Variants in MAP2K6 observed in about 807,000 individuals in gnomAD.
MAP2K6 encodes mitogen-activated protein kinase kinase 6.
In MAP2K6, 16 loss-of-function variants were observed where a neutral mutation model predicts 53.7. The observed-to-expected ratio is 0.30, with a 90% CI of 0.20 to 0.45. The LOEUF is 0.45. Among genes scored for constraint, MAP2K6 ranks in the 20% least tolerant of loss-of-function variants. The pLI is 1.00. For missense variants in MAP2K6, 204 were observed against 411.9 expected, an observed-to-expected ratio of 0.50 and a Z score of 4.37; for synonymous variants, 132 against 143.1, an observed-to-expected ratio of 0.92 and a Z score of 0.55.
intron 1 of MAP2K6, among the ~76,000 whole-genome samples, chr17:69,480,789 A>T (rs1000833414): frequency 4.6e-5 from 7 of 152,294 alleles, no homozygotes; most frequent in East Asian, 1.9e-4. Flanking sequence ...AAGTTTTTTA[A>T]AAAATTTTAT....
At chr17:69,511,887 G>A (rs1909840972) in intron 2 of MAP2K6, among the ~76,000 whole-genome samples, 1 of 152,228 alleles carries the variant, frequency 6.6e-6, no homozygotes, top group African/African-American at 2.4e-5. Context: ...GCTGAGACAG[G>A]AGAAGCGCTT....
chr17:69,461,518 C>A (rs936606569), intron 1 of MAP2K6, among the ~76,000 whole-genome samples: 1 of 152,150 alleles, frequency 6.6e-6, no homozygotes, highest in African/African-American at 2.4e-5. Context: ...CACTGAATAG[C>A]CTAGCTTTGT....
chr17:69,522,893 A>G (rs1334031139), intron 7 of MAP2K6, among the ~76,000 whole-genome samples: 1 of 148,858 alleles, frequency 6.7e-6, no homozygotes, highest in African/African-American at 2.4e-5. Flanking sequence ...TGTCTGTCAA[A>G]AAAAAAAAAA....
chr17:69,467,049 C>G (rs1907837405), intron 1 of MAP2K6, among the ~76,000 whole-genome samples: 1 of 152,198 alleles, frequency 6.6e-6, no homozygotes, highest in Non-Finnish European at 1.5e-5. Flanking sequence ...ACATGGATTA[C>G]AATAAGAATT....
chr17:69,427,822 T>A (rs751358322), intron 1 of MAP2K6, among the ~76,000 whole-genome samples: 2 of 152,236 alleles, frequency 1.3e-5, no homozygotes, highest in Non-Finnish European at 2.9e-5. Context: ...GCCTCTATTT[T>A]TGTAAGGAAA....
chr17:69,517,376 T>C (rs1910203254), intron 3 of MAP2K6, 124 bp from the exon 4 acceptor site: 1 of 513,648 alleles, frequency 1.9e-6, no homozygotes, highest in East Asian at 3.4e-5. Flanking sequence ...TTTGACATGC[T>C]AGAAAATCTT....
chr17:69,483,603 C>T (rs1908423235), intron 1 of MAP2K6, among the ~76,000 whole-genome samples: 1 of 151,936 alleles, frequency 6.6e-6, no homozygotes, highest in Admixed American at 6.6e-5. Context: ...TAGGCTAATC[C>T]TGAAATTCAT....
chr17:69,457,961 A>G (rs971851462), intron 1 of MAP2K6, among the ~76,000 whole-genome samples: 4 of 152,114 alleles, frequency 2.6e-5, no homozygotes, highest in African/African-American at 9.7e-5. Context: ...ATTATGGCCC[A>G]TTACTACCTA....
intron 2 of MAP2K6, among the ~76,000 whole-genome samples, chr17:69,510,976 T>G (rs901831409): frequency 2.6e-5 from 4 of 152,200 alleles, no homozygotes; most frequent in African/African-American, 9.6e-5. Context: ...TCCTTTGGGA[T>G]TTATTCTTAC....
chr17:69,494,349 T>C lies in MAP2K6; in HGVS notation c.17-11431T>C, dbSNP rs1908862463. Among the ~76,000 whole-genome samples the C allele has an allele frequency of 6.6e-6, 1 of 151,900 alleles. No homozygotes were observed. The highest frequency in any genetic ancestry group is 1.5e-5 in the Non-Finnish European group (1 of 67,976). On this transcript the variant is annotated intron_variant, in intron 1 of 11. Coordinates refer to ENST00000590474, the MANE Select transcript of MAP2K6 (RefSeq NM_002758.4). The surrounding 1 kb of genome is among the most constrained non-coding windows in gnomAD (Gnocchi z 4.2). Reference sequence around the variant, plus strand: ...CTCATCTCTACTAAAAATACAAAAATTAGCTGGGCATGGTGGCACATGCCT... The same window carrying C: ...CTCATCTCTACTAAAAATACAAAAACTAGCTGGGCATGGTGGCACATGCCT...
chr17:69,514,598 G>C (rs1232110639), intron 2 of MAP2K6, among the ~76,000 whole-genome samples: 1 of 151,846 alleles, frequency 6.6e-6, no homozygotes, highest in East Asian at 1.9e-4. Context: ...TCTCGCTCTT[G>C]TCACCCAGGC....
rs537372517 is a variant in MAP2K6, at chr17:69,524,662, T to C, written c.664-239T>C. ...TTCTTAAGGCAAATTTTAAATTTGT[T>C]ATGAAAGGAACTTGATCCATTACTG... is the stretch of plus-strand genomic sequence containing the variant. On this transcript the variant is annotated intron_variant, in intron 8 of 11. Coordinates refer to ENST00000590474, the MANE Select transcript of MAP2K6 (RefSeq NM_002758.4). 1.4e-4 allele frequency among the ~76,000 whole-genome samples: 21 copies of C among 152,216 alleles called. No individual in the cohort carries two copies. The South Asian group carries it at 4.4e-3, about 32-fold the overall frequency.
intron 1 of MAP2K6, among the ~76,000 whole-genome samples, chr17:69,436,288 G>A (rs1277094620): frequency 7.9e-5 from 12 of 152,204 alleles, no homozygotes; most frequent in Non-Finnish European, 1.0e-4. Flanking sequence ...TGCTGGATAT[G>A]CTAATAGGTA....
intron 1 of MAP2K6, among the ~76,000 whole-genome samples, chr17:69,443,091 A>AACATGCAT (rs1425379589): frequency 6.6e-6 from 1 of 151,994 alleles, no homozygotes; most frequent in African/African-American, 2.4e-5. Context: ...TTCACACCCA[A>AACATGCAT]ACATGCATTC....
chr17:69,462,252 A>G (rs866380238), intron 1 of MAP2K6, among the ~76,000 whole-genome samples: 7 of 152,116 alleles, frequency 4.6e-5, no homozygotes, highest in Admixed American at 4.6e-4. Context: ...CACCTCCTCT[A>G]TCCAGGGGAT....
intron 1 of MAP2K6, among the ~76,000 whole-genome samples, chr17:69,457,713 G>A (rs1393517529): frequency 6.6e-6 from 1 of 152,210 alleles, no homozygotes; most frequent in African/African-American, 2.4e-5. Flanking sequence ...GCTGAGGCTG[G>A]AGGATTGCTT....
At chr17:69,436,215 C>T (rs1241772855) in intron 1 of MAP2K6, among the ~76,000 whole-genome samples, 1 of 152,132 alleles carries the variant, frequency 6.6e-6, no homozygotes, top group Non-Finnish European at 1.5e-5. Flanking sequence ...TAATCCCTCA[C>T]CCTCCAAGAG....
rs2144881366 is a variant in MAP2K6 at position 69,544,167 on chromosome 17, CA to C, written c.*2415del. On this transcript the variant is annotated 3_prime_UTR_variant, in exon 12 of 12. Transcript: ENST00000590474. ...ATGCCATTGCAGAAAGTAACAAAAA[CA>C]GGTCCTATTTCTTTCCCTGTCCTCA... The C allele has an allele frequency of 6.6e-6, 1 of 152,302 alleles. No individual in the cohort carries two copies. The highest frequency in any genetic ancestry group is 1.9e-4 in the East Asian group (1 of 5,186). The allele number at this position is 152,302 out of a possible 1,614,324, so 9.4% of individuals were successfully genotyped here. A position where few individuals can be genotyped will look rare whatever the true frequency, so the allele number is the denominator to read the frequency against.
chr17:69,534,562 C>CTTT (rs1223900212), intron 10 of MAP2K6, among the ~76,000 whole-genome samples: 157 of 117,342 alleles, frequency 1.3e-3, no homozygotes, highest in Admixed American at 3.6e-3. Flanking sequence ...TTCTCTCTCT[C>CTTT]TTTTTTTTTT....
Sources: allele counts gnomAD v4.1 joint callset (sites outside exome capture counted in the v4.1 genomes callset), GRCh38; gene constraint gnomAD v4.1.1; non-coding constraint Gnocchi (gnomAD v3.1); transcripts MANE v1.5; gene names NCBI Gene and HGNC (gene_info 2026-07-23, HGNC 2026-07-21).